Variants in DLG2 observed in about 807,000 individuals in gnomAD.
DLG2 encodes the protein discs large MAGUK scaffold protein 2.
Under a neutral mutation model 132.5 loss-of-function variants are expected in DLG2, and 45 were observed. That is an observed-to-expected ratio of 0.34 (90% CI 0.27 to 0.44). DLG2 has a LOEUF of 0.44. Ranked by LOEUF, DLG2 falls within the 20% of genes least tolerant of loss-of-function variation. The pLI is 1.00. For synonymous variants in DLG2, 424 were observed against 419.6 expected, an observed-to-expected ratio of 1.01 and a Z score of -0.13; for missense variants, 1,045 against 1,196.9, an observed-to-expected ratio of 0.87 and a Z score of 1.87.
intron 19 of DLG2, among the ~76,000 whole-genome samples, chr11:83,598,669 C>T (rs944845123): frequency 5.3e-5 from 8 of 152,170 alleles, no homozygotes; most frequent in African/African-American, 1.9e-4. Flanking sequence ...TCTTCATATA[C>T]ACTAAAGCTC....
At chr11:84,528,326 C>A (rs1420059484) in intron 7 of DLG2, among the ~76,000 whole-genome samples, 1 of 152,228 alleles carries the variant, frequency 6.6e-6, no homozygotes, top group African/African-American at 2.4e-5. Context: ...CAATCCCACA[C>A]TTCACACTGG....
At chr11:84,444,570 A>T (rs2099027295) in intron 7 of DLG2, among the ~76,000 whole-genome samples, 1 of 152,080 alleles carries the variant, frequency 6.6e-6, no homozygotes, top group Non-Finnish European at 1.5e-5. Context: ...TCCCTGAGTT[A>T]TATATCTAGA....
intron 4 of DLG2, among the ~76,000 whole-genome samples, chr11:85,262,805 C>T (rs1395350834): frequency 6.6e-6 from 1 of 152,198 alleles, no homozygotes; most frequent in Non-Finnish European, 1.5e-5. Context: ...TCCCTTCTTT[C>T]CCAGTTCATC....
At chr11:85,559,164 T>C (rs2077089107) in intron 3 of DLG2, among the ~76,000 whole-genome samples, 1 of 150,632 alleles carries the variant, frequency 6.6e-6, no homozygotes, top group Non-Finnish European at 1.5e-5. Context: ...TATTTTTTTT[T>C]TTTTTGAGAC....
intron 6 of DLG2, among the ~76,000 whole-genome samples, chr11:84,820,508 C>T (rs142151559): frequency 2.6e-5 from 4 of 152,002 alleles, no homozygotes; most frequent in Non-Finnish European, 4.4e-5. Context: ...GACTCACAGA[C>T]AATGCTTTAC....
intron 4 of DLG2, among the ~76,000 whole-genome samples, chr11:85,191,487 G>A (rs2080570412): frequency 6.6e-6 from 1 of 152,100 alleles, no homozygotes; most frequent in South Asian, 2.1e-4. Context: ...GAAGAAAACA[G>A]TCCTGGCTAG....
chr11:83,759,074 G>A (rs147163712), intron 18 of DLG2, among the ~76,000 whole-genome samples: 235 of 152,168 alleles, frequency 1.5e-3, no homozygotes, highest in African/African-American at 5.2e-3. Flanking sequence ...TTCAGACACC[G>A]GAATGAGTCA....
At chr11:83,877,624 T>G (rs543522324) in intron 15 of DLG2, among the ~76,000 whole-genome samples, 1 of 152,298 alleles carries the variant, frequency 6.6e-6, no homozygotes, top group Non-Finnish European at 1.5e-5. Context: ...ATTTGACTCC[T>G]TTTATATTAC....
intron 6 of DLG2, among the ~76,000 whole-genome samples, chr11:85,017,143 A>T (rs1013051049): frequency 1.3e-5 from 2 of 152,072 alleles, no homozygotes; most frequent in African/African-American, 4.8e-5. Flanking sequence ...AAGTGTCCTG[A>T]TCTCTGATTT....
At chr11:83,699,742 A>G (rs997332264) in intron 18 of DLG2, among the ~76,000 whole-genome samples, 47 of 148,838 alleles carry the variant, frequency 3.2e-4, no homozygotes, top group Non-Finnish European at 6.1e-4. Flanking sequence ...AAAAATAATA[A>G]TAATAATAAT....
chr11:84,359,965 T>A (rs1260449101), intron 7 of DLG2, among the ~76,000 whole-genome samples: 1 of 151,860 alleles, frequency 6.6e-6, no homozygotes, highest in African/African-American at 2.4e-5. Context: ...GAGAAAAAAA[T>A]AGCTTCTAAA....
intron 7 of DLG2, among the ~76,000 whole-genome samples, chr11:84,475,177 A>G (rs1453881512): frequency 3.3e-5 from 5 of 152,156 alleles, no homozygotes; most frequent in Admixed American, 6.6e-5. Flanking sequence ...TGTGTCCAAG[A>G]TAAGACATGT....
intron 10 of DLG2, among the ~76,000 whole-genome samples, chr11:84,067,250 C>A (rs1039286218): frequency 3.3e-5 from 5 of 152,004 alleles, no homozygotes; most frequent in African/African-American, 1.2e-4. Context: ...AGGAGAATCG[C>A]TTGAACACTG....
chr11:83,842,808 T>A (rs1312107686), intron 16 of DLG2, among the ~76,000 whole-genome samples: 1 of 133,234 alleles, frequency 7.5e-6, no homozygotes, highest in Non-Finnish European at 1.6e-5. Flanking sequence ...AGAGCAAGAC[T>A]CTGTCTCCAA....
intron 6 of DLG2, among the ~76,000 whole-genome samples, chr11:84,966,911 T>G (rs1251703513): frequency 6.6e-6 from 1 of 152,080 alleles, no homozygotes; most frequent in Non-Finnish European, 1.5e-5. Flanking sequence ...TCTAAGAGAC[T>G]GGAAATCCAG....
chr11:83,725,258 G>A (rs964653403), intron 18 of DLG2: 6 of 219,166 alleles, frequency 2.7e-5, no homozygotes, highest in South Asian at 1.4e-4. Flanking sequence ...GCTGAAGGAC[G>A]CCAGGAAGAA....
intron 6 of DLG2, among the ~76,000 whole-genome samples, chr11:84,714,623 T>TCTCTCTC (rs2060950060): frequency 2.8e-4 from 29 of 105,040 alleles, no homozygotes; most frequent in African/African-American, 1.2e-3. Context: ...CTCTTTCTCT[T>TCTCTCTC]TCTCTCTCTC....
At chr11:85,259,328 T>C (rs1227093307) in intron 4 of DLG2, among the ~76,000 whole-genome samples, 3 of 152,154 alleles carry the variant, frequency 2.0e-5, no homozygotes, top group African/African-American at 4.8e-5. Context: ...TCCACCATGA[T>C]TGTAAGTTTC....
chr11:85,528,601 C>CA (rs2074965183), intron 3 of DLG2, among the ~76,000 whole-genome samples: 1 of 152,166 alleles, frequency 6.6e-6, no homozygotes, highest in South Asian at 2.1e-4. Context: ...TGAATTTATG[C>CA]ATAACCTACA....
Sources: allele counts gnomAD v4.1 joint callset (sites outside exome capture counted in the v4.1 genomes callset), GRCh38; gene constraint gnomAD v4.1.1; transcripts MANE v1.5; gene names NCBI Gene and HGNC (gene_info 2026-07-23, HGNC 2026-07-21).